Variants in FN1 observed in about 807,000 individuals in gnomAD.
FN1 encodes fibronectin.
A neutral mutation model predicts 297.3 loss-of-function variants in FN1; 106 were observed. The observed-to-expected ratio is 0.36, with a 90% CI of 0.30 to 0.42. The LOEUF (loss-of-function observed/expected upper bound fraction) is 0.42. Ranked by LOEUF, FN1 falls within the 10% of genes least tolerant of loss-of-function variation. The pLI, the probability that FN1 is intolerant of heterozygous loss-of-function variation, is 1.00. For synonymous variants in FN1, 1,149 were observed against 1,152.6 expected, an observed-to-expected ratio of 1.00 and a Z score of 0.06; for missense variants, 2,690 against 3,124.9, an observed-to-expected ratio of 0.86 and a Z score of 3.32.
Position 215,384,992 on chromosome 2 carries a change from A to G in FN1, c.4613-16T>C. On this transcript the variant is annotated splice_polypyrimidine_tract_variant and intron_variant, in intron 28 of 45. Transcript: ENST00000354785. ...ACATCAGAAACTAGAAAAAAAAGGG[A>G]AACTTTTCACATCCGTAATTTTCAA... 6.5e-7 allele frequency: 1 copy of G among 1,534,792 alleles called. No homozygotes were observed.
intron 22 of FN1, 122 bp downstream of exon 22, chr2:215,397,558 A>T: frequency 2.4e-6 from 2 of 816,818 alleles, no homozygotes; most frequent in Non-Finnish European, 4.2e-6. Flanking sequence ...TAATAATATA[A>T]GTAAGGATAA....
In FN1 at chr2:215,422,258, A is replaced by G. The variant is rs751085859; in HGVS notation, c.1394-15T>C. On this transcript the variant is annotated splice_polypyrimidine_tract_variant and intron_variant, in intron 9 of 45. Transcript: ENST00000354785. ...TTCCTCGTGGGCTGTTTGGAAATGG[A>G]TAAGAAATGCACTTGATAAATGATC... The G allele has an allele frequency of 8.7e-6, 14 of 1,612,826 alleles. No individual in the cohort carries two copies. The highest frequency in any genetic ancestry group is 1.2e-5 in the Non-Finnish European group (14 of 1,178,848).
Position 215,434,722 on chromosome 2 carries a change from C to G in FN1, c.251G>C (p.Gly84Ala). ...LVCTCYGGSR[G>A]FNCESKPEAE... ...TTCAGGTTTACTCTCGCAGTTAAAA[C>G]CTCGGCTTCCTCCATAACAAGTACA... is the stretch of plus-strand genomic sequence containing the variant. The change falls in exon 2 of 46, where the codon GGT (glycine) becomes GCT (alanine). Residue 84 changes from glycine to alanine, a missense_variant. Transcript: ENST00000354785. 1 of 1,614,144 alleles carries G rather than the reference C, an allele frequency of 6.2e-7. No homozygotes were observed. Among genetic ancestry groups the G allele is most frequent in the Non-Finnish European group, 8.5e-7 (1 of 1,180,008 alleles).
chr2:215,378,490 A>G (rs528549394), intron 34 of FN1, among the ~76,000 whole-genome samples: 1 of 152,238 alleles, frequency 6.6e-6, no homozygotes, highest in African/African-American at 2.4e-5. Context: ...TAAGCCATAG[A>G]TTATATACTT....
At chr2:215,422,915 T>C (rs957715979) in intron 9 of FN1, among the ~76,000 whole-genome samples, 1 of 152,160 alleles carries the variant, frequency 6.6e-6, no homozygotes, top group Non-Finnish European at 1.5e-5. Context: ...TTGGCACTTA[T>C]TAATAAGTGA....
At position 215,410,024 on chromosome 2, in the gene FN1, C is replaced by T. The variant is rs755856715; in HGVS notation, c.2032G>A (p.Glu678Lys). 26 of 1,613,838 alleles carry T rather than the reference C, an allele frequency of 1.6e-5. No individual in the cohort carries two copies. The highest frequency in any genetic ancestry group is 8.3e-5 in the Admixed American group (5 of 59,972). ...IKGLKPGVVYEGQLISIQQYG... is the reference protein window; with the variant it reads ...IKGLKPGVVYKGQLISIQQYG... ...TGCTGGATGCTGATGAGCTGGCCCT[C>T]GTATACCACACCAGGCTTCAGGCCT... The change falls in exon 14 of 46, where the codon GAG becomes AAG. Residue 678 changes from glutamate to lysine, a missense_variant. Physicochemically the swap from Glu to Lys is moderately conservative, Grantham distance 56. Around this residue, in one of 3 missense-constraint regions of FN1, gnomAD observed 876 missense variants for 1,058.1 expected, o/e 0.83. Transcript: ENST00000354785.
At chr2:215,411,888 C>T (rs920761338) in intron 13 of FN1, among the ~76,000 whole-genome samples, 30 of 152,038 alleles carry the variant, frequency 2.0e-4, no homozygotes, top group African/African-American at 6.0e-4. Flanking sequence ...AGGATGCTCT[C>T]GATCTCTTGA....
intron 28 of FN1, among the ~76,000 whole-genome samples, chr2:215,385,567 G>GAAAA (rs528179850): frequency 8.8e-6 from 1 of 113,956 alleles, no homozygotes; most frequent in African/African-American, 3.1e-5. Context: ...ATTTCAGGAA[G>GAAAA]AAAAAAAAAA....
At position 215,404,493 on chromosome 2, in the gene FN1, T is replaced by G. The variant is rs144581583; in HGVS notation, c.3149A>C (p.Lys1050Thr). The change falls in exon 20 of 46, where the codon AAG becomes ACG. Residue 1050 changes from lysine (K) to threonine (T), a missense_variant. Coordinates refer to ENST00000354785, the MANE Select transcript of FN1 (RefSeq NM_212482.4). ...AGGCTGCAGATTCCTCAGTGGGTAC[T>G]TGGAGACAGAGGGACCCACATTGTA... ...RQYNVGPSVS[K>T]YPLRNLQPAS... is the part of the protein sequence containing the mutation. The G allele has an allele frequency of 1.5e-5, 24 of 1,613,990 alleles. No individual in the cohort carries two copies. The African/African-American group carries it at 3.1e-4, about 21-fold the overall frequency.
chr2:215,386,427 C>T (rs1381041349), intron 28 of FN1, among the ~76,000 whole-genome samples: 2 of 151,794 alleles, frequency 1.3e-5, no homozygotes, highest in African/African-American at 4.8e-5. Flanking sequence ...GCATAAATAC[C>T]CAAATCAGGT....
intron 13 of FN1, among the ~76,000 whole-genome samples, chr2:215,412,434 A>C (rs1015865307): frequency 6.6e-6 from 1 of 152,106 alleles, no homozygotes; most frequent in Non-Finnish European, 1.5e-5. Flanking sequence ...TTGATGATTT[A>C]TTTATATATT....
intron 33 of FN1, chr2:215,379,724 C>T (rs2057934839): frequency 4.1e-6 from 1 of 244,762 alleles, no homozygotes; most frequent in Non-Finnish European, 8.0e-6. Flanking sequence ...GAAACGGTCT[C>T]TCTGTGTCAT....
chr2:215,386,582 T>C, intron 28 of FN1, 107 bp downstream of exon 28: 1 of 588,824 alleles, frequency 1.7e-6, no homozygotes, highest in South Asian at 2.8e-5. Flanking sequence ...TTTTTTTTTT[T>C]TTTTTTTTTT....
intron 6 of FN1, 110 bp from the exon 7 acceptor site, chr2:215,425,395 C>T (rs1286886764): frequency 1.2e-5 from 13 of 1,102,808 alleles, no homozygotes; most frequent in African/African-American, 3.1e-5. Flanking sequence ...AAATCTATGT[C>T]GCTACTGGCC....
chr2:215,424,115 C>T (rs1321454157), intron 8 of FN1, 31 bp downstream of exon 8: 2 of 1,609,310 alleles, frequency 1.2e-6, no homozygotes, highest in South Asian at 2.2e-5. Context: ...GAGTTTTTCT[C>T]ACTTCTGTGG....
chr2:215,433,930 C>T (rs1014720842), intron 2 of FN1, among the ~76,000 whole-genome samples: 2 of 152,126 alleles, frequency 1.3e-5, no homozygotes, highest in Admixed American at 1.3e-4. Flanking sequence ...GGTGAAACCC[C>T]GTCTCTACTA....
At chr2:215,365,011 A>C in intron 43 of FN1, 26 bp from the exon 44 acceptor site, 1 of 1,415,938 alleles carries the variant, frequency 7.1e-7, no homozygotes, top group African/African-American at 1.4e-5. Flanking sequence ...AGACAGATGC[A>C]CGCATAAGCT....
At chr2:215,388,125 G>C (rs1364753301) in intron 27 of FN1, 87 bp downstream of exon 27, 1 of 949,552 alleles carries the variant, frequency 1.1e-6, no homozygotes, top group East Asian at 2.4e-5. Context: ...AAAAAATGGA[G>C]ATGTATTTTT....
In FN1 at chr2:215,428,189, T is replaced by C; in HGVS notation, c.835A>G (p.Thr279Ala). 6.2e-7 allele frequency: 1 copy of C among 1,614,132 alleles called. No individual in the cohort carries two copies. The highest frequency in any genetic ancestry group is 8.5e-7 in the Non-Finnish European group (1 of 1,180,038). Residue 279 changes from threonine (T) to alanine (A), a missense_variant, in exon 6 of 46, where the codon ACA becomes GCA. By Grantham distance (58) the Thr-to-Ala change is moderately conservative. Transcript: ENST00000354785. The part of the protein sequence containing the change: ...KCERHTSVQT[T>A]SSGSGPFTDV... ...TCGTCCTGTGCCTCACCGCTCGATG[T>C]GGTCTGCACAGAGGTGTGCCTCTCA...
Sources: allele counts gnomAD v4.1 joint callset (sites outside exome capture counted in the v4.1 genomes callset), GRCh38; gene constraint gnomAD v4.1.1; regional missense constraint gnomAD v4.1.1; transcripts MANE v1.5; gene names NCBI Gene and HGNC (gene_info 2026-07-23, HGNC 2026-07-21).